ATP8A2: variants seen among roughly 807,000 people sequenced by gnomAD.
ATP8A2 encodes phospholipid-transporting ATPase IB.
Under a neutral mutation model 165.6 loss-of-function variants are expected in ATP8A2, and 100 were observed. The ratio of observed to expected loss-of-function variants is 0.60; its 90% CI spans 0.51 to 0.71. The LOEUF (loss-of-function observed/expected upper bound fraction) is 0.71, where lower values mean the gene tolerates loss of function less well. Among genes scored for constraint, ATP8A2 ranks in the 30% least tolerant of loss-of-function variants. The pLI, the probability that ATP8A2 is intolerant of heterozygous loss-of-function variation, is 0.00. For synonymous variants in ATP8A2, 543 were observed against 548.8 expected, an observed-to-expected ratio of 0.99 and a Z score of 0.15; for missense variants, 1,227 against 1,479.5, an observed-to-expected ratio of 0.83 and a Z score of 2.80.
At chr13:25,476,439 C>T (rs1295234505) in intron 2 of ATP8A2, among the ~76,000 whole-genome samples, 2 of 152,086 alleles carry the variant, frequency 1.3e-5, no homozygotes, top group African/African-American at 4.8e-5. Context: ...CAGGCACCCG[C>T]CACCACGGCC....
chr13:25,736,278 G>A (rs567997491), intron 25 of ATP8A2, among the ~76,000 whole-genome samples: 107 of 152,326 alleles, frequency 7.0e-4, no homozygotes, highest in Non-Finnish European at 1.4e-3. Context: ...TCAAGAAAAG[G>A]CTGGAGAGGC....
intron 25 of ATP8A2, among the ~76,000 whole-genome samples, chr13:25,721,359 G>C (rs1390060670): frequency 1.3e-5 from 2 of 152,054 alleles, no homozygotes; most frequent in Non-Finnish European, 2.9e-5. Context: ...TCACCTCTAG[G>C]AGAAAGCTTG....
At chr13:25,742,635 C>A (rs1001487995) in intron 25 of ATP8A2, among the ~76,000 whole-genome samples, 2 of 151,694 alleles carry the variant, frequency 1.3e-5, no homozygotes, top group African/African-American at 2.4e-5. Context: ...TTAATCCCCC[C>A]CACACACCCC....
At chr13:25,982,122 G>C (rs549031537) in intron 35 of ATP8A2, among the ~76,000 whole-genome samples, 78 of 152,256 alleles carry the variant, frequency 5.1e-4, no homozygotes, top group African/African-American at 1.8e-3. Flanking sequence ...TCAAAGCATT[G>C]ATCTGTTGCC....
chr13:25,928,271 C>T (rs1367483527), intron 33 of ATP8A2, among the ~76,000 whole-genome samples: 2 of 152,210 alleles, frequency 1.3e-5, no homozygotes, highest in Non-Finnish European at 2.9e-5. Flanking sequence ...ATCATAGATA[C>T]TAGAACCTTT....
intron 24 of ATP8A2, among the ~76,000 whole-genome samples, chr13:25,656,100 C>G (rs1299500132): frequency 2.6e-5 from 4 of 152,170 alleles, no homozygotes; most frequent in Non-Finnish European, 5.9e-5. Flanking sequence ...CGCTGAAACC[C>G]TATGCCTTCG....
intron 1 of ATP8A2, among the ~76,000 whole-genome samples, chr13:25,425,778 G>A (rs1007235109): frequency 3.9e-5 from 6 of 152,004 alleles, no homozygotes; most frequent in Admixed American, 3.3e-4. Context: ...GGGTTTCACT[G>A]TGTTAGCCAG....
At chr13:25,929,241 A>C (rs912724566) in intron 33 of ATP8A2, among the ~76,000 whole-genome samples, 2 of 152,178 alleles carry the variant, frequency 1.3e-5, no homozygotes, top group Non-Finnish European at 2.9e-5. Context: ...CCGGACGTCC[A>C]GCACGCAGGC....
chr13:25,542,081 T>C (rs1025765580), intron 9 of ATP8A2, 35 bp downstream of exon 9: 1 of 1,590,950 alleles, frequency 6.3e-7, no homozygotes, highest in Non-Finnish European at 8.6e-7. Flanking sequence ...TCTTTTAAAC[T>C]ATGTGACTAA....
At chr13:25,539,670 G>A (rs1448889129) in intron 7 of ATP8A2, among the ~76,000 whole-genome samples, 1 of 152,074 alleles carries the variant, frequency 6.6e-6, no homozygotes, top group East Asian at 1.9e-4. Flanking sequence ...CTTAACTAGT[G>A]GTTTTTTAGT....
intron 27 of ATP8A2, among the ~76,000 whole-genome samples, chr13:25,780,641 A>G (rs2044853059): frequency 6.6e-6 from 1 of 152,152 alleles, no homozygotes; most frequent in Non-Finnish European, 1.5e-5. Context: ...GGCACCAGAC[A>G]CTGGTTTCAG....
chr13:25,530,459 C>T lies in ATP8A2; in HGVS notation c.322-103C>T, dbSNP rs1436149944. ...TTATTTTTGAGTAACAGAAATGGAA[C>T]AGAACTGCAAAAGTGTGAAACGTAC... On this transcript the variant is annotated intron_variant, in intron 3 of 36. Transcript: ENST00000381655. The T allele has an allele frequency of 4.3e-6, 3 of 700,584 alleles. No individual in the cohort carries two copies. In the East Asian group the frequency reaches 8.1e-5, roughly 19 times the overall value. The allele number at this position is 700,584 out of a possible 1,614,324, so 43.4% of individuals were successfully genotyped here.
At chr13:25,487,017 A>T (rs2036374363) in intron 2 of ATP8A2, among the ~76,000 whole-genome samples, 2 of 152,202 alleles carry the variant, frequency 1.3e-5, no homozygotes, top group African/African-American at 4.8e-5. Flanking sequence ...TGGTTGAGTT[A>T]TGCAGAAGTG....
At chr13:25,917,511 A>G (rs1308732318) in intron 33 of ATP8A2, among the ~76,000 whole-genome samples, 1 of 152,258 alleles carries the variant, frequency 6.6e-6, no homozygotes, top group Non-Finnish European at 1.5e-5. Context: ...AGAAAGACAG[A>G]GAAGAGGTAA....
At chr13:25,437,067 G>A (rs559535883) in intron 1 of ATP8A2, among the ~76,000 whole-genome samples, 53 of 152,244 alleles carry the variant, frequency 3.5e-4, no homozygotes, top group Admixed American at 1.8e-3. Flanking sequence ...GTGAGCCACC[G>A]TGCCCAGCTG....
chr13:25,690,176 T>C (rs6491083), intron 24 of ATP8A2, among the ~76,000 whole-genome samples: 63,130 of 151,554 alleles, frequency 0.42, 13,720 homozygotes, highest in East Asian at 0.7. Flanking sequence ...AACTGTTAGT[T>C]AAATTTTCTT....
chr13:25,648,476 C>T lies in ATP8A2; in HGVS notation c.2212-50697C>T, dbSNP rs889659711. 3.9e-5 allele frequency among the ~76,000 whole-genome samples: 6 copies of T among 152,050 alleles called. No homozygotes were observed. In the East Asian group the frequency reaches 1.2e-3, roughly 29 times the overall value. ...GTCAAGAGATTGAGACTATCCTGGCCAACGTAGTGAAACCCTGTCTCTACT... is the reference window on the plus strand; with the variant it reads ...GTCAAGAGATTGAGACTATCCTGGCTAACGTAGTGAAACCCTGTCTCTACT... On this transcript the variant is annotated intron_variant, in intron 24 of 36. Coordinates refer to ENST00000381655, the MANE Select transcript of ATP8A2 (RefSeq NM_016529.6).
At chr13:25,829,472 G>A (rs1951400215) in intron 28 of ATP8A2, among the ~76,000 whole-genome samples, 1 of 151,696 alleles carries the variant, frequency 6.6e-6, no homozygotes, top group Admixed American at 6.6e-5. Context: ...TGTACCTCCT[G>A]AAACTATTTT....
In ATP8A2 at chr13:25,554,811, C is replaced by T. The variant is rs575561214; in HGVS notation, c.1186-180C>T. 7.9e-5 allele frequency among the ~76,000 whole-genome samples: 12 copies of T among 152,264 alleles called. No homozygotes were observed. The East Asian group carries it at 1.4e-3, about 17-fold the overall frequency. On this transcript the variant is annotated intron_variant, in intron 12 of 36. Coordinates refer to ENST00000381655, the MANE Select transcript of ATP8A2 (RefSeq NM_016529.6). ...CTGACTTCAAGTGATCTGGCCACTTCGGCCTCCCAAAGTGGTGGGATTACA... is the reference window on the plus strand; with the variant it reads ...CTGACTTCAAGTGATCTGGCCACTTTGGCCTCCCAAAGTGGTGGGATTACA...
Sources: gnomAD v4.1 joint callset for allele counts (sites outside exome capture counted in the v4.1 genomes callset) on GRCh38, gnomAD v4.1.1 for gene constraint, MANE v1.5 for transcripts, NCBI Gene and HGNC (gene_info 2026-07-23, HGNC 2026-07-21) for gene names.